CRNN: variants seen among roughly 807,000 people sequenced by gnomAD.
CRNN encodes 53 kDa putative calcium-binding protein.
A neutral mutation model predicts 44.7 loss-of-function variants in CRNN; 39 were observed. The ratio of observed to expected loss-of-function variants is 0.87; its 90% CI spans 0.68 to 1.14. The LOEUF (loss-of-function observed/expected upper bound fraction) is 1.14. Among genes scored for constraint, CRNN ranks in the 50% most tolerant of loss-of-function variants. The pLI, the probability that CRNN is intolerant of heterozygous loss-of-function variation, is 0.00. For synonymous variants in CRNN, 240 were observed against 231.8 expected, an observed-to-expected ratio of 1.04 and a Z score of -0.32; for missense variants, 606 against 605.1, an observed-to-expected ratio of 1.00 and a Z score of -0.02.
rs1319458849 is a variant in CRNN at position 152,412,160 on chromosome 1, C to A, written c.74G>T (p.Cys25Phe). 6.2e-7 allele frequency: 1 copy of A among 1,613,768 alleles called. No homozygotes were observed. Among genetic ancestry groups the A allele is most frequent in the Admixed American group, 1.7e-5 (1 of 60,018 alleles). Residue 25 changes from cysteine to phenylalanine, a missense_variant, in exon 2 of 3, where the codon TGC becomes TTC. By Grantham distance (205) the Cys-to-Phe change is radical. Transcript: ENST00000271835. ...FRRYARTEGN[C>F]TALTRGELKR... ...CAGCTCCCCTCGGGTGAGCGCTGTGCAGTTGCCCTCCGTCCTTGCATAGCG... is the reference window on the plus strand; with the variant it reads ...CAGCTCCCCTCGGGTGAGCGCTGTGAAGTTGCCCTCCGTCCTTGCATAGCG...
chr1:152,413,542 T>A (rs927855105), intron 1 of CRNN, among the ~76,000 whole-genome samples: 1 of 152,184 alleles, frequency 6.6e-6, no homozygotes, highest in Admixed American at 6.5e-5. Flanking sequence ...ACTCAGTAAG[T>A]CATAGCAAAA....
Position 152,409,676 on chromosome 1 carries a change from C to A in CRNN, c.1406G>T (p.Gly469Val). The change falls in exon 3 of 3, where the codon GGC becomes GTC. Residue 469 changes from glycine (G) to valine (V), a missense_variant. Physicochemically the swap from Gly to Val is moderately radical, Grantham distance 109 (BLOSUM62 -3). Transcript: ENST00000271835. ...CTCTTCTGACTGGGCTGCATCCTGG[C>A]CCTGTGCTGAGGAAACACTGGTATG... ...NLHTSVSSAQ[G>V]QDAAQSEEKR... The A allele has an allele frequency of 4.3e-6, 7 of 1,614,176 alleles. No homozygotes were observed. Among genetic ancestry groups the A allele is most frequent in the Non-Finnish European group, 5.9e-6 (7 of 1,180,020 alleles).
At chr1:152,411,288 C>T (rs1193991784) in intron 2 of CRNN, among the ~76,000 whole-genome samples, 1 of 152,216 alleles carries the variant, frequency 6.6e-6, no homozygotes, top group Non-Finnish European at 1.5e-5. Context: ...TTGCCCCTGG[C>T]ACTGAGGCCT....
chr1:152,412,052 C>A (rs367740009), intron 2 of CRNN, 44 bp downstream of exon 2: 44 of 1,536,716 alleles, frequency 2.9e-5, no homozygotes, highest in Non-Finnish European at 3.9e-5. Flanking sequence ...CCAGGTTTCA[C>A]TCTCCTGCTA....
Position 152,409,909 on chromosome 1 carries a change from G to A in CRNN, c.1173C>T (p.Ser391=), listed in dbSNP as rs1655698031. ...PGSGQRWMQV[S]NPEAGETVPG... ...GTACTGTCTCTCCTGCCTCAGGGTT[G>A]CTCACTTGCATCCATCTTTGACCAC... The change falls in exon 3 of 3, where the codon AGC becomes AGT. Residue 391 remains serine, a synonymous_variant. Transcript: ENST00000271835. 1 of 1,614,056 alleles carries A rather than the reference G, an allele frequency of 6.2e-7. No homozygotes were observed. Among genetic ancestry groups the A allele is most frequent in the African/African-American group, 1.3e-5 (1 of 74,910 alleles).
At position 152,409,539 on chromosome 1, in the gene CRNN, AG is replaced by A; in HGVS notation, c.*54del. ...CCCACTGGATTGGCCATGCAGGACA[AG>A]CCAAACTCTCTCCAGCTGTCTTCTT... On this transcript the variant is annotated 3_prime_UTR_variant, in exon 3 of 3. Coordinates refer to ENST00000271835, the MANE Select transcript of CRNN (RefSeq NM_016190.3). The A allele has an allele frequency of 1.3e-6, 2 of 1,562,470 alleles. No homozygotes were observed. The highest frequency in any genetic ancestry group is 1.7e-6 in the Non-Finnish European group (2 of 1,153,632).
At chr1:152,413,240 T>C (rs939041390) in intron 1 of CRNN, among the ~76,000 whole-genome samples, 1 of 152,216 alleles carries the variant, frequency 6.6e-6, no homozygotes, top group African/African-American at 2.4e-5. Context: ...GGAAAGCTTT[T>C]CTTTTTCATT....
chr1:152,412,105 A>G lies in CRNN; in HGVS notation c.129T>C (p.Asp43=), dbSNP rs767491535. 9 of 1,607,632 alleles carry G rather than the reference A, an allele frequency of 5.6e-6. No homozygotes were observed. Among genetic ancestry groups the G allele is most frequent in the African/African-American group, 1.3e-5 (1 of 74,768 alleles). The part of the protein sequence containing the change: ...LKRLLEQEFA[D]VIVKPHDPAT... ...GCTCAGCACACCGTACCACAATCAC[A>G]TCGGCAAACTCTTGCTCCAAGAGTC... is the stretch of plus-strand genomic sequence containing the variant. The change falls in exon 2 of 3, where the codon GAT becomes GAC. Residue 43 remains aspartate (D), a synonymous_variant. Transcript: ENST00000271835.
In CRNN at chr1:152,409,532, C is replaced by T; in HGVS notation, c.*62G>A. 1.9e-6 allele frequency: 3 copies of T among 1,553,446 alleles called. No homozygotes were observed. The highest frequency in any genetic ancestry group is 2.6e-6 in the Non-Finnish European group (3 of 1,149,362). On this transcript the variant is annotated 3_prime_UTR_variant, in exon 3 of 3. Coordinates refer to ENST00000271835, the MANE Select transcript of CRNN (RefSeq NM_016190.3). ...GGATGCACCCACTGGATTGGCCATG[C>T]AGGACAAGCCAAACTCTCTCCAGCT...
At position 152,409,356 on chromosome 1, in the gene CRNN, G is replaced by T; in HGVS notation, c.*238C>A. On this transcript the variant is annotated 3_prime_UTR_variant, in exon 3 of 3. Coordinates refer to ENST00000271835, the MANE Select transcript of CRNN (RefSeq NM_016190.3). ...AGATGAGGACAATTCAGTACAAAGG[G>T]GTGACTTGCTCTGAGTCTTCCTGCT... 1 of 628,098 alleles carries T rather than the reference G, an allele frequency of 1.6e-6. No individual in the cohort carries two copies. Among genetic ancestry groups the T allele is most frequent in the Non-Finnish European group, 2.6e-6 (1 of 381,334 alleles). 38.9% of individuals were successfully genotyped at this position (628,098 alleles called of 1,614,324 possible). A position where few individuals can be genotyped will look rare whatever the true frequency, so the allele number is the denominator to read the frequency against.
At chr1:152,410,975 C>G in intron 2 of CRNN, 32 bp from the exon 3 acceptor site, 1 of 1,568,502 alleles carries the variant, frequency 6.4e-7, no homozygotes. Context: ...GTCAGCATCC[C>G]TCCCCTGAGG....
At position 152,410,922 on chromosome 1, in the gene CRNN, C is replaced by T; in HGVS notation, c.160G>A (p.Val54Met). Residue 54 changes from valine to methionine, a missense_variant, in exon 3 of 3, where the codon GTG becomes ATG. By Grantham distance (21) the Val-to-Met change is conservative. Coordinates refer to ENST00000271835, the MANE Select transcript of CRNN (RefSeq NM_016190.3). ...TCCAGCAGACGCAGGACCTCATCCA[C>T]AGTTGCTGGATCGTGGGGTTTCTGA... ...VIVKPHDPAT[V>M]DEVLRLLDED... The T allele has an allele frequency of 6.2e-7, 1 of 1,611,178 alleles. No homozygotes were observed. The highest frequency in any genetic ancestry group is 8.5e-7 in the Non-Finnish European group (1 of 1,178,494).
rs1655700922 is a variant in CRNN at position 152,409,970 on chromosome 1, G to A, written c.1112C>T (p.Ala371Val). Residue 371 changes from alanine (A) to valine (V), a missense_variant, in exon 3 of 3, where the codon GCT (alanine) becomes GTT (valine). Ala to Val is a moderately conservative substitution (Grantham distance 64, BLOSUM62 0). Coordinates refer to ENST00000271835, the MANE Select transcript of CRNN (RefSeq NM_016190.3). ...CGTCTGGGTCTGTCCCTGTTCTCTA[G>A]CCCCTCCGTGGCTTACAGTTTGGCT... ...DRSQTVSHGG[A>V]REQGQTQTQP... 3.7e-6 allele frequency: 6 copies of A among 1,614,036 alleles called. No homozygotes were observed. The highest frequency in any genetic ancestry group is 5.1e-6 in the Non-Finnish European group (6 of 1,180,008).
intron 2 of CRNN, 147 bp from the exon 3 acceptor site, chr1:152,411,090 AT>A (rs961510866): frequency 9.5e-4 from 1,269 of 1,336,252 alleles, no homozygotes; most frequent in South Asian, 2.5e-3. Context: ...AATTGCCTTT[AT>A]TTTTTTTTAG....
chr1:152,413,737 C>A (rs796454071), intron 1 of CRNN, among the ~76,000 whole-genome samples: 4 of 152,174 alleles, frequency 2.6e-5, no homozygotes, highest in African/African-American at 9.6e-5. Context: ...ATAAGATGAC[C>A]TTTTAGTTAC....
At chr1:152,413,013 A>G (rs545899089) in intron 1 of CRNN, among the ~76,000 whole-genome samples, 3 of 152,110 alleles carry the variant, frequency 2.0e-5, no homozygotes, top group Non-Finnish European at 4.4e-5. Flanking sequence ...TTTTTTGGGA[A>G]AGTGGGAAGA....
Position 152,412,181 on chromosome 1 carries a change from T to A in CRNN, c.53A>T (p.Tyr18Phe). 3 of 1,613,712 alleles carry A rather than the reference T, an allele frequency of 1.9e-6. No individual in the cohort carries two copies. Among genetic ancestry groups the A allele is most frequent in the Non-Finnish European group, 2.5e-6 (3 of 1,179,654 alleles). The change falls in exon 2 of 3, where the codon TAT (tyrosine) becomes TTT (phenylalanine). Residue 18 changes from tyrosine to phenylalanine, a missense_variant. Coordinates refer to ENST00000271835, the MANE Select transcript of CRNN (RefSeq NM_016190.3). ...TGTGCAGTTGCCCTCCGTCCTTGCA[T>A]AGCGCCTGAAGGCCTCGATGATCCC... ...INGIIEAFRR[Y>F]ARTEGNCTAL...
Position 152,409,475 on chromosome 1 carries a change from G to T in CRNN, c.*119C>A. ...TTATCTCATTGAGAAAGACCTAAAA[G>T]GGAAGCTGCATAATGAAGAGCTGAT... On this transcript the variant is annotated 3_prime_UTR_variant, in exon 3 of 3. Transcript: ENST00000271835. 2 of 1,491,676 alleles carry T rather than the reference G, an allele frequency of 1.3e-6. No individual in the cohort carries two copies. Among genetic ancestry groups the T allele is most frequent in the Non-Finnish European group, 8.9e-7 (1 of 1,123,008 alleles). The allele number at this position is 1,491,676 out of a possible 1,614,324, so 92.4% of individuals were successfully genotyped here. A position where few individuals can be genotyped will look rare whatever the true frequency, so the allele number is the denominator to read the frequency against.
At position 152,409,268 on chromosome 1, in the gene CRNN, C is replaced by G. The variant is rs1655672623; in HGVS notation, c.*326G>C. Reference sequence around the variant, plus strand: ...CCAGTGGCTTAAGGTTTTATTGATGCATTAGGGTAGATGGGGCAATAGAGA... The same window carrying G: ...CCAGTGGCTTAAGGTTTTATTGATGGATTAGGGTAGATGGGGCAATAGAGA... On this transcript the variant is annotated 3_prime_UTR_variant, in exon 3 of 3. Transcript: ENST00000271835. 6.6e-6 allele frequency: 2 copies of G among 301,898 alleles called. No homozygotes were observed. Among genetic ancestry groups the G allele is most frequent in the Admixed American group, 4.7e-5 (1 of 21,170 alleles). 18.7% of individuals were successfully genotyped at this position (301,898 alleles called of 1,614,324 possible).
Sources: gnomAD v4.1 joint callset for allele counts (sites outside exome capture counted in the v4.1 genomes callset) on GRCh38, gnomAD v4.1.1 for gene constraint, MANE v1.5 for transcripts, NCBI Gene and HGNC (gene_info 2026-07-23, HGNC 2026-07-21) for gene names.